KLHL8: variants seen among roughly 807,000 people sequenced by gnomAD.
The protein encoded by KLHL8 is kelch like family member 8.
KLHL8 carries 38 observed loss-of-function variants against 63.5 expected under a neutral mutation model. That is an observed-to-expected ratio of 0.60 (90% confidence interval 0.46 to 0.78). The LOEUF (loss-of-function observed/expected upper bound fraction) is 0.78. Among genes scored for constraint, KLHL8 ranks in the 30% least tolerant of loss-of-function variants. The probability of loss-of-function intolerance (pLI) is 0.00; values close to 1 mark genes in which losing one functional copy is unlikely to be tolerated. For missense variants in KLHL8, 566 were observed against 752.4 expected (o/e 0.75, Z 2.90); for synonymous variants, 224 against 254.3 (o/e 0.88, Z 1.13).
intron 6 of KLHL8, among the ~76,000 whole-genome samples, chr4:87,172,619 C>T (rs1301729626): frequency 1.3e-5 from 2 of 152,206 alleles, no homozygotes; most frequent in African/African-American, 4.8e-5. Context: ...ACCGAAGAAT[C>T]ATCTTTGCCT....
At chr4:87,213,197 T>A (rs750947739) in intron 1 of KLHL8, among the ~76,000 whole-genome samples, 2 of 152,194 alleles carry the variant, frequency 1.3e-5, no homozygotes, top group Non-Finnish European at 2.9e-5. Flanking sequence ...AAAAGTCTAG[T>A]ATAAAGTATT....
chr4:87,197,314 T>C (rs1435781471), intron 1 of KLHL8, among the ~76,000 whole-genome samples: 18 of 152,140 alleles, frequency 1.2e-4, no homozygotes. Flanking sequence ...CTGCAGGCCT[T>C]GAAAAGCAAA....
At chr4:87,191,442 A>C (rs1731484458) in intron 2 of KLHL8, among the ~76,000 whole-genome samples, 1 of 152,224 alleles carries the variant, frequency 6.6e-6, no homozygotes, top group Admixed American at 6.5e-5. Flanking sequence ...AGCCTGGGTG[A>C]CAGAGCAAGA....
intron 1 of KLHL8, among the ~76,000 whole-genome samples, chr4:87,205,583 CT>C (rs1162259542): frequency 6.6e-6 from 1 of 152,176 alleles, no homozygotes; most frequent in African/African-American, 2.4e-5. Context: ...TCAGCACCCC[CT>C]GCCCAAGTAG....
chr4:87,170,282 A>G (rs373733666), intron 7 of KLHL8, 44 bp from the exon 8 acceptor site: 12 of 1,563,340 alleles, frequency 7.7e-6, no homozygotes, highest in African/African-American at 1.4e-5. Flanking sequence ...TTTCGAATTT[A>G]TTTATATATT....
chr4:87,197,628 C>T (rs184072092), intron 1 of KLHL8, among the ~76,000 whole-genome samples: 1 of 152,194 alleles, frequency 6.6e-6, no homozygotes, highest in East Asian at 1.9e-4. Flanking sequence ...TTATTTTAAG[C>T]CACTAAATTG....
At position 87,238,915 on chromosome 4, in the gene KLHL8, G is replaced by C. The variant is rs148947931; in HGVS notation, n.57+1343C>G. On this transcript the variant is annotated intron_variant and non_coding_transcript_variant, in intron 1 of 1. Coordinates refer to the KLHL8 transcript ENST00000506274. ...TTTTATCATTAAGTTATTGTGAACT[G>C]TAACAATTAGCAGTCAAATTTACCA... Among the ~76,000 whole-genome samples the C allele has an allele frequency of 2.0e-5, 3 of 152,212 alleles. No individual in the cohort carries two copies. The East Asian group carries it at 5.8e-4, about 29-fold the overall frequency.
chr4:87,231,904 CCACTTTTATTGTT>C (rs1210274538), intron 1 of KLHL8, among the ~76,000 whole-genome samples: 5 of 152,078 alleles, frequency 3.3e-5, no homozygotes, highest in Admixed American at 6.6e-5. Flanking sequence ...GGTTGATTGT[CCACTTTTATTGTT>C]CACACTATCT....
At chr4:87,166,313 G>A (rs1235597616) in intron 8 of KLHL8, among the ~76,000 whole-genome samples, 1 of 152,160 alleles carries the variant, frequency 6.6e-6, no homozygotes, top group African/African-American at 2.4e-5. Context: ...ATGCTGTATT[G>A]TTAGCATATA....
chr4:87,208,717 T>G (rs937292332), intron 1 of KLHL8, among the ~76,000 whole-genome samples: 1 of 152,194 alleles, frequency 6.6e-6, no homozygotes, highest in Admixed American at 6.5e-5. Context: ...TAATATCTTA[T>G]TTTTAAACTT....
chr4:87,206,297 T>C (rs1374301941), intron 1 of KLHL8, among the ~76,000 whole-genome samples: 1 of 152,230 alleles, frequency 6.6e-6, no homozygotes, highest in Non-Finnish European at 1.5e-5. Flanking sequence ...TCTCAAGGAT[T>C]AGATGCTGCT....
At chr4:87,203,944 C>A (rs147032745) in intron 1 of KLHL8, among the ~76,000 whole-genome samples, 6 of 151,988 alleles carry the variant, frequency 3.9e-5, no homozygotes, top group Non-Finnish European at 7.4e-5. Context: ...TCAAACTTAA[C>A]GAAAAACAAC....
chr4:87,167,467 A>G, intron 8 of KLHL8: 1 of 510,246 alleles, frequency 2.0e-6, no homozygotes, highest in South Asian at 1.5e-5. Flanking sequence ...CATCAAGCCA[A>G]TTTTCATAAG....
chr4:87,226,087 A>G (rs1333457477), intron 1 of KLHL8, among the ~76,000 whole-genome samples: 1 of 152,200 alleles, frequency 6.6e-6, no homozygotes, highest in Non-Finnish European at 1.5e-5. Context: ...AAAAAAACAC[A>G]TTTAGAGAAA....
chr4:87,217,635 C>T (rs536439155), intron 1 of KLHL8, among the ~76,000 whole-genome samples: 1 of 149,780 alleles, frequency 6.7e-6, no homozygotes, highest in Non-Finnish European at 1.5e-5. Context: ...CATGAGCCAC[C>T]GAGCCTGGCC....
At chr4:87,229,782 G>GT (rs1733103360) in intron 1 of KLHL8, among the ~76,000 whole-genome samples, 1 of 150,206 alleles carries the variant, frequency 6.7e-6, no homozygotes, top group Non-Finnish European at 1.5e-5. Flanking sequence ...CCAGGCTGGA[G>GT]TGCAGTGGCA....
At chr4:87,223,165 GT>G (rs1732916076), upstream of KLHL8, among the ~76,000 whole-genome samples, 1 of 110,370 alleles carries the variant, frequency 9.1e-6, no homozygotes, top group Non-Finnish European at 2.1e-5. Context: ...TAGAGATGGG[GT>G]TTCTCCATGT....
At position 87,185,578 on chromosome 4, in the gene KLHL8, A is replaced by C; in HGVS notation, c.438T>G (p.Ile146Met). ...NVQPLLYAAC[I>M]LQVELVARAC... is the part of the protein sequence containing the mutation. ...CTCTAGCCACCAGTTCAACCTGCAG[A>C]ATACAGGCTGCATATAAGAGAGGCT... The change falls in exon 3 of 10, where the codon ATT becomes ATG. Residue 146 changes from isoleucine to methionine, a missense_variant. Transcript: ENST00000273963. 6.2e-7 allele frequency: 1 copy of C among 1,614,212 alleles called. No homozygotes were observed. The highest frequency in any genetic ancestry group is 8.5e-7 in the Non-Finnish European group (1 of 1,180,018).
rs191302096 is a variant in KLHL8 at position 87,201,560 on chromosome 4, C to T, written c.-151-5870G>A. Among the ~76,000 whole-genome samples, 796 of 152,280 alleles carry T rather than the reference C, an allele frequency of 5.2e-3. 8 individuals carry two copies. Among genetic ancestry groups the T allele is most frequent in the African/African-American group, 0.018 (761 of 41,550 alleles). On this transcript the variant is annotated intron_variant, in intron 1 of 9. Transcript: ENST00000273963. ...TTTCATGGGTGCTTATAGAACACTCCTCCCAACAAAGGCAGAATATACATT... is the reference window on the plus strand; with the variant it reads ...TTTCATGGGTGCTTATAGAACACTCTTCCCAACAAAGGCAGAATATACATT...
Sources: gnomAD v4.1 joint callset for allele counts (sites outside exome capture counted in the v4.1 genomes callset) on GRCh38, gnomAD v4.1.1 for gene constraint, MANE v1.5 for transcripts, NCBI Gene and HGNC (gene_info 2026-07-23, HGNC 2026-07-21) for gene names.